The following CRELD1 variants were observed in gnomAD, a reference collection of about 807,000 sequenced individuals.
CRELD1 encodes protein disulfide isomerase CRELD1.
CRELD1 carries 42 observed loss-of-function variants against 58.2 expected under a neutral mutation model. That is an observed-to-expected ratio of 0.72 (90% CI 0.56 to 0.93). The LOEUF is 0.93. Ranked by LOEUF, CRELD1 falls within the 40% of genes least tolerant of loss-of-function variation. The pLI is 0.00. For missense variants in CRELD1, 500 were observed against 540.6 expected (o/e 0.92, Z 0.74); for synonymous variants, 222 against 202.0 (o/e 1.10, Z -0.84).
At position 9,940,884 on chromosome 3, in the gene CRELD1, C is replaced by G; in HGVS notation, c.495C>G (p.Gly165=). 6.2e-7 allele frequency: 1 copy of G among 1,613,712 alleles called. No individual in the cohort carries two copies. The highest frequency in any genetic ancestry group is 8.5e-7 in the Non-Finnish European group (1 of 1,179,902). ...CPGGTERPCG[G]YGQCEGEGTR... ...GGGGAACAGAGAGGCCCTGCGGTGG[C>G]TACGGGCAGTGTGAAGGAGAAGGGA... Residue 165 remains glycine, a synonymous_variant, in exon 6 of 11, where the codon GGC becomes GGG. Coordinates refer to ENST00000452070, the MANE Select transcript of CRELD1 (RefSeq NM_001077415.3).
intron 10 of CRELD1, 118 bp from the exon 11 acceptor site, chr3:9,944,247 G>C: frequency 1.1e-6 from 1 of 941,716 alleles, no homozygotes; most frequent in Non-Finnish European, 1.7e-6. Context: ...AGTGTGCCTG[G>C]CTTGCTGGGC....
chr3:9,944,168 C>G, intron 10 of CRELD1, 197 bp from the exon 11 acceptor site: 1 of 790,738 alleles, frequency 1.3e-6, no homozygotes, highest in Non-Finnish European at 2.3e-6. Context: ...CTCTCTGAGC[C>G]TCACTTTCCC....
intron 10 of CRELD1, 142 bp downstream of exon 10, chr3:9,943,657 T>C: frequency 6.4e-7 from 1 of 1,564,086 alleles, no homozygotes; most frequent in Non-Finnish European, 8.6e-7. Flanking sequence ...GAGACCGGGC[T>C]CTACATCTGA....
In CRELD1 at chr3:9,934,715, C is replaced by A. The variant is rs551807195; in HGVS notation, c.174+103C>A. On this transcript the variant is annotated intron_variant, in intron 2 of 10. Transcript: ENST00000452070. The stretch of plus-strand genomic sequence containing the variant: ...ATTTAAGTTTCATCTTGGTCTCTTA[C>A]TAGTTGTATGGCCCTAGGCAGGTTG... 5.3e-6 allele frequency: 8 copies of A among 1,510,650 alleles called. No individual in the cohort carries two copies. The African/African-American group carries it at 9.6e-5, about 18-fold the overall frequency. The allele number at this position is 1,510,650 out of a possible 1,614,324, so 93.6% of individuals were successfully genotyped here. A position where few individuals can be genotyped will look rare whatever the true frequency, so the allele number is the denominator to read the frequency against.
intron 1 of CRELD1, 141 bp downstream of exon 1, chr3:9,934,061 C>T (rs1320276826): frequency 2.9e-6 from 1 of 348,442 alleles, no homozygotes; most frequent in Non-Finnish European, 5.3e-6. Flanking sequence ...AAGACAACCC[C>T]TCTGGCCTCC....
At chr3:9,936,270 T>C (rs2085189591) in intron 3 of CRELD1, 1 of 152,186 alleles carries the variant, frequency 6.6e-6, no homozygotes, top group Non-Finnish European at 1.5e-5. Flanking sequence ...ATTGGTCATT[T>C]TCTCTTTTCC....
intron 10 of CRELD1, 55 bp from the exon 11 acceptor site, chr3:9,944,310 G>C: frequency 1.3e-6 from 2 of 1,498,834 alleles, no homozygotes; most frequent in South Asian, 2.3e-5. Flanking sequence ...GAGACTCCAA[G>C]AACTACCAGG....
Position 9,934,616 on chromosome 3 carries a change from G to A in CRELD1, c.174+4G>A. 4 of 1,612,170 alleles carry A rather than the reference G, an allele frequency of 2.5e-6. No homozygotes were observed. In the South Asian group the frequency reaches 3.3e-5, roughly 13 times the overall value. On this transcript the variant is annotated splice_donor_region_variant and intron_variant, in intron 2 of 10. Transcript: ENST00000452070. ...ACTGGTTGACAGCTTTAACAAGGTG[G>A]GTGCACCGGCAGCCTCGTTAGAGGG...
Position 9,940,950 on chromosome 3 carries a change from CGGGGGTGAG to C in CRELD1, c.563_571del (p.Gly188_Glu190del). ...GGCACTGTGACTGCCAAGCCGGCTA[CGGGGGTGAG>C]GCCTGTGGCCAGTGTGGCCTTGGCT... On this transcript the variant is annotated inframe_deletion, in exon 6 of 11. Transcript: ENST00000452070. 1 of 1,614,044 alleles carries C rather than the reference CGGGGGTGAG, an allele frequency of 6.2e-7. No individual in the cohort carries two copies. Among genetic ancestry groups the C allele is most frequent in the Non-Finnish European group, 8.5e-7 (1 of 1,180,000 alleles).
intron 3 of CRELD1, among the ~76,000 whole-genome samples, chr3:9,936,414 C>T (rs1350542784): frequency 6.6e-6 from 1 of 151,926 alleles, no homozygotes; most frequent in Admixed American, 6.6e-5. Context: ...GGCACTGTGC[C>T]AGACCCTTTA....
Position 9,934,029 on chromosome 3 carries a change from CG to C in CRELD1, c.-20+113del, listed in dbSNP as rs746117502. ...GGATCCGGGCTCCTCCCTCCAAGCC[CG>C]GGGTTCCGGACACCTCCCCCAAGAC... On this transcript the variant is annotated intron_variant, in intron 1 of 10. Coordinates refer to ENST00000452070, the MANE Select transcript of CRELD1 (RefSeq NM_001077415.3). 2.3e-4 allele frequency: 74 copies of C among 320,464 alleles called. 1 individual carries two copies. The highest frequency in any genetic ancestry group is 8.7e-4 in the Admixed American group (18 of 20,792). The allele number at this position is 320,464 out of a possible 1,614,324, so 19.9% of individuals were successfully genotyped here.
chr3:9,943,528 G>A lies in CRELD1; in HGVS notation c.1048+13G>A, dbSNP rs746080209. ...GAGCAGATCCCAGGTGAGCCCTGGG[G>A]CGGGAGAGGGGAGGTCCTCATTCAA... On this transcript the variant is annotated intron_variant, in intron 10 of 10. Transcript: ENST00000452070. The A allele has an allele frequency of 6.2e-7, 1 of 1,614,002 alleles. No individual in the cohort carries two copies. Among genetic ancestry groups the A allele is most frequent in the Non-Finnish European group, 8.5e-7 (1 of 1,179,968 alleles).
intron 5 of CRELD1, among the ~76,000 whole-genome samples, chr3:9,940,010 A>C (rs1006790752): frequency 6.7e-6 from 1 of 149,252 alleles, no homozygotes; most frequent in Non-Finnish European, 1.5e-5. Flanking sequence ...CGGCGGAGAC[A>C]CTTCTCACTT....
chr3:9,939,356 A>C (rs906470022), intron 5 of CRELD1, among the ~76,000 whole-genome samples: 1 of 152,010 alleles, frequency 6.6e-6, no homozygotes, highest in Non-Finnish European at 1.5e-5. Context: ...TTTTTTATTG[A>C]TCATTCTTGG....
chr3:9,937,523 TG>T, intron 3 of CRELD1, 38 bp from the exon 4 acceptor site: 1 of 1,346,844 alleles, frequency 7.4e-7, no homozygotes, highest in Non-Finnish European at 1.1e-6. Flanking sequence ...GTGGGTGGGG[TG>T]GGGCATGTTT....
intron 5 of CRELD1, among the ~76,000 whole-genome samples, chr3:9,939,947 T>C (rs915523065): frequency 6.9e-6 from 1 of 145,870 alleles, no homozygotes; most frequent in Non-Finnish European, 1.5e-5. Flanking sequence ...ACGGGGCGGC[T>C]GGCCGGGCGG....
At chr3:9,937,061 TG>T (rs762456121) in intron 3 of CRELD1, among the ~76,000 whole-genome samples, 19 of 152,316 alleles carry the variant, frequency 1.2e-4, no homozygotes, top group Non-Finnish European at 2.4e-4. Flanking sequence ...TCCATTCTTT[TG>T]GGTCTATATC....
Position 9,944,405 on chromosome 3 carries a change from G to T in CRELD1, c.1089G>T (p.Leu363Phe), listed in dbSNP as rs1436150087. Residue 363 changes from leucine (L) to phenylalanine (F), a missense_variant, in exon 11 of 11, where the codon TTG becomes TTT. Leu to Phe is a conservative substitution (Grantham distance 22). Transcript: ENST00000452070. ...GFFSEMTEDE[L>F]VVLQQMFFGI... ...TCTCAGAGATGACAGAAGACGAGTT[G>T]GTGGTGCTGCAGCAGATGTTCTTTG... The T allele has an allele frequency of 6.2e-7, 1 of 1,613,952 alleles. No individual in the cohort carries two copies. The highest frequency in any genetic ancestry group is 2.2e-5 in the East Asian group (1 of 44,898).
chr3:9,944,819 A>G lies in CRELD1; in HGVS notation c.*240A>G, dbSNP rs931534995. 10 of 561,240 alleles carry G rather than the reference A, an allele frequency of 1.8e-5. No individual in the cohort carries two copies. The highest frequency in any genetic ancestry group is 4.0e-5 in the South Asian group (2 of 50,016). 34.8% of individuals were successfully genotyped at this position (561,240 alleles called of 1,614,324 possible). A position where few individuals can be genotyped will look rare whatever the true frequency, so the allele number is the denominator to read the frequency against. On this transcript the variant is annotated 3_prime_UTR_variant, in exon 11 of 11. Coordinates refer to ENST00000452070, the MANE Select transcript of CRELD1 (RefSeq NM_001077415.3). ...CTGGCGGGGACTGGCAGGCTTCACA[A>G]TGTGTGAATTTCAAAAGTTTTTCCT...
Sources: allele counts gnomAD v4.1 joint callset (sites outside exome capture counted in the v4.1 genomes callset), GRCh38; gene constraint gnomAD v4.1.1; transcripts MANE v1.5; gene names NCBI Gene and HGNC (gene_info 2026-07-23, HGNC 2026-07-21).